Variants in DLG2 observed in about 807,000 individuals in gnomAD.
The protein encoded by DLG2 is discs large MAGUK scaffold protein 2.
DLG2 carries 45 observed loss-of-function variants against 132.5 expected under a neutral mutation model. The observed-to-expected ratio is 0.34, with a 90% CI of 0.27 to 0.44. The LOEUF is 0.44. Among genes scored for constraint, DLG2 ranks in the 20% least tolerant of loss-of-function variants. DLG2 has a pLI of 1.00. For missense variants in DLG2, 1,045 were observed against 1,196.9 expected, an observed-to-expected ratio of 0.87 and a Z score of 1.87; for synonymous variants, 424 against 419.6, an observed-to-expected ratio of 1.01 and a Z score of -0.13.
At chr11:84,657,235 C>T (rs1334357616) in intron 6 of DLG2, among the ~76,000 whole-genome samples, 1 of 152,088 alleles carries the variant, frequency 6.6e-6, no homozygotes, top group Non-Finnish European at 1.5e-5. Context: ...AAAAAGTTCA[C>T]AACAGTGATC....
At chr11:84,961,601 A>T (rs2052589959) in intron 6 of DLG2, among the ~76,000 whole-genome samples, 1 of 150,564 alleles carries the variant, frequency 6.6e-6, no homozygotes, top group Non-Finnish European at 1.5e-5. Context: ...CTTTGTAAGC[A>T]CTTGTTTGTT....
At chr11:85,150,059 G>A (rs533629327) in intron 5 of DLG2, among the ~76,000 whole-genome samples, 34 of 114,668 alleles carry the variant, frequency 3.0e-4, no homozygotes, top group Middle Eastern at 7.4e-3. Flanking sequence ...TCACTCAGTC[G>A]CCCAGGCTGG....
At chr11:85,422,584 T>G (rs1295954753) in intron 3 of DLG2, among the ~76,000 whole-genome samples, 3 of 152,060 alleles carry the variant, frequency 2.0e-5, no homozygotes, top group African/African-American at 4.8e-5. Context: ...GTTTCTTTGT[T>G]TTTTGAGATG....
chr11:83,682,834 G>A (rs1446080001), intron 18 of DLG2, among the ~76,000 whole-genome samples: 1 of 152,116 alleles, frequency 6.6e-6, no homozygotes, highest in Non-Finnish European at 1.5e-5. Context: ...TTTATGGAAT[G>A]CAAGGAGTCC....
rs1174247374 is a variant in DLG2 at position 85,286,260 on chromosome 11, G to T, written c.41-895C>A. 3 of 271,168 alleles carry T rather than the reference G, an allele frequency of 1.1e-5. No individual in the cohort carries two copies. In the East Asian group the frequency reaches 3.7e-4, roughly 34 times the overall value. 16.8% of individuals were successfully genotyped at this position (271,168 alleles called of 1,614,324 possible). A position where few individuals can be genotyped will look rare whatever the true frequency, so the allele number is the denominator to read the frequency against. On this transcript the variant is annotated intron_variant, in intron 3 of 27. Transcript: ENST00000376104. ...AATTGAACAATTAAGTGAATGGATGGTAGATGATGGGAGCCAAGTTTCTTA... is the reference window on the plus strand; with the variant it reads ...AATTGAACAATTAAGTGAATGGATGTTAGATGATGGGAGCCAAGTTTCTTA...
chr11:84,142,286 A>C (rs961469337), intron 9 of DLG2, among the ~76,000 whole-genome samples: 1 of 144,688 alleles, frequency 6.9e-6, no homozygotes. Context: ...GCTCCACTGC[A>C]CTCTAGCCTG....
In DLG2 at chr11:84,010,293, G is replaced by GTATTATTATTAT. The variant is rs71463190; in HGVS notation, c.920-29663_920-29652dup. ...AATGAATGATCCATGCATTTTAATTGTATTATTATTATTATTATTATTATT... is the reference window on the plus strand; with the variant it reads ...AATGAATGATCCATGCATTTTAATTGTATTATTATTATTATTATTATTATTATTATTATTATT... On this transcript the variant is annotated intron_variant, in intron 11 of 27. Transcript: ENST00000376104. Among the ~76,000 whole-genome samples, 60 of 147,558 alleles carry GTATTATTATTAT rather than the reference G, an allele frequency of 4.1e-4. 1 individual carries two copies. The highest frequency in any genetic ancestry group is 3.6e-3 in the Middle Eastern group (1 of 276).
chr11:84,662,786 C>CAAAAAAAAAAAAAAA (rs752017709), intron 6 of DLG2, among the ~76,000 whole-genome samples: 1 of 80,296 alleles, frequency 1.2e-5, no homozygotes, highest in Non-Finnish European at 2.5e-5. Context: ...GACTCTGTCA[C>CAAAAAAAAAAAAAAA]AAAAAAAAAA....
At chr11:84,727,426 G>A (rs7358526) in intron 6 of DLG2, among the ~76,000 whole-genome samples, 1 of 152,070 alleles carries the variant, frequency 6.6e-6, no homozygotes, top group South Asian at 2.1e-4. Context: ...TTATGTCTGA[G>A]GCCTCTGTTC....
At chr11:85,447,512 T>A (rs549788405) in intron 3 of DLG2, among the ~76,000 whole-genome samples, 38 of 152,184 alleles carry the variant, frequency 2.5e-4, no homozygotes, top group Non-Finnish European at 4.7e-4. Flanking sequence ...GATAGCCATC[T>A]GCAAGCCAAG....
intron 19 of DLG2, among the ~76,000 whole-genome samples, chr11:83,628,665 A>G (rs1327985240): frequency 6.6e-6 from 1 of 152,144 alleles, no homozygotes; most frequent in African/African-American, 2.4e-5. Flanking sequence ...CTACCTCCTC[A>G]TCTGCATCAG....
intron 15 of DLG2, among the ~76,000 whole-genome samples, chr11:83,893,608 A>C (rs2070670376): frequency 6.6e-6 from 1 of 152,004 alleles, no homozygotes; most frequent in African/African-American, 2.4e-5. Context: ...AGCCTCCTAC[A>C]TTTCTCCATA....
intron 6 of DLG2, chr11:84,923,167 C>A (rs763118503): frequency 1.2e-6 from 2 of 1,612,336 alleles, no homozygotes; most frequent in Non-Finnish European, 1.7e-6. Flanking sequence ...CTCAGCACAG[C>A]GCAAGCCCCA....
chr11:84,620,765 C>T (rs1056439371), intron 6 of DLG2, among the ~76,000 whole-genome samples: 7 of 152,026 alleles, frequency 4.6e-5, no homozygotes, highest in East Asian at 1.9e-4. Context: ...GCAGATGAAT[C>T]GGCACAACTA....
chr11:85,401,953 C>T (rs573582682), intron 3 of DLG2, among the ~76,000 whole-genome samples: 1 of 150,090 alleles, frequency 6.7e-6, no homozygotes, highest in East Asian at 2.0e-4. Context: ...CCCCATCAAG[C>T]TACCACTGAC....
At chr11:85,561,633 G>A (rs990912461) in intron 3 of DLG2, among the ~76,000 whole-genome samples, 1 of 151,694 alleles carries the variant, frequency 6.6e-6, no homozygotes, top group African/African-American at 2.4e-5. Context: ...AAGTAGACTT[G>A]TCAAATCAAC....
At chr11:84,558,944 A>G (rs1379286411) in intron 6 of DLG2, among the ~76,000 whole-genome samples, 2 of 152,144 alleles carry the variant, frequency 1.3e-5, no homozygotes, top group Non-Finnish European at 2.9e-5. Context: ...AACATTTTTT[A>G]TACCATCATT....
chr11:84,386,514 T>C lies in DLG2; in HGVS notation c.520-135223A>G, dbSNP rs564339319. On this transcript the variant is annotated intron_variant, in intron 7 of 27. Transcript: ENST00000376104. ...TCCCCTCTTCTGTCAGCTAAATATT[T>C]ACTTCTATAATTTTAAGATTGTTGA... Among the ~76,000 whole-genome samples the C allele has an allele frequency of 8.0e-4, 122 of 152,262 alleles. 3 individuals carry two copies. The highest frequency in any genetic ancestry group is 1.3e-3 in the Non-Finnish European group (88 of 67,998).
chr11:84,368,962 T>G (rs542908236), intron 7 of DLG2, among the ~76,000 whole-genome samples: 8 of 152,140 alleles, frequency 5.3e-5, no homozygotes, highest in Non-Finnish European at 1.0e-4. Context: ...CAAAATATTT[T>G]TTTTGAAATT....
Sources: gnomAD v4.1 joint callset for allele counts (sites outside exome capture counted in the v4.1 genomes callset) on GRCh38, gnomAD v4.1.1 for gene constraint, MANE v1.5 for transcripts, NCBI Gene and HGNC (gene_info 2026-07-23, HGNC 2026-07-21) for gene names.